The following CSMD1 variants were observed in gnomAD, a reference collection of about 807,000 sequenced individuals.
CSMD1 encodes CUB and sushi domain-containing protein 1.
Under a neutral mutation model 417.5 loss-of-function variants are expected in CSMD1, and 213 were observed. The observed-to-expected ratio is 0.51, with a 90% CI of 0.46 to 0.57. The LOEUF (loss-of-function observed/expected upper bound fraction) is 0.57. Ranked by LOEUF, CSMD1 falls within the 20% of genes least tolerant of loss-of-function variation. The pLI is 0.00. For synonymous variants in CSMD1, 2,862 were observed against 1,736.8 expected, an observed-to-expected ratio of 1.65 and a Z score of -16.11; for missense variants, 6,923 against 4,529.7, an observed-to-expected ratio of 1.53 and a Z score of -15.17.
intron 3 of CSMD1, among the ~76,000 whole-genome samples, chr8:4,285,883 A>G (rs978817846): frequency 3.9e-5 from 6 of 152,188 alleles, no homozygotes; most frequent in Admixed American, 2.6e-4. Context: ...TCCAGCCTGG[A>G]AAGTAATCCA....
At chr8:3,444,359 T>A (rs555118507) in intron 12 of CSMD1, among the ~76,000 whole-genome samples, 111 of 152,294 alleles carry the variant, frequency 7.3e-4, no homozygotes, top group Non-Finnish European at 1.4e-3. Context: ...AATTTTAGCA[T>A]CAACAAAGAT....
intron 6 of CSMD1, among the ~76,000 whole-genome samples, chr8:3,722,267 C>G (rs867066758): frequency 2.2e-4 from 34 of 152,206 alleles, no homozygotes; most frequent in Middle Eastern, 3.4e-3. Context: ...GAGATCACAC[C>G]ACTGCACTCC....
intron 5 of CSMD1, among the ~76,000 whole-genome samples, chr8:3,804,052 G>A (rs1207353513): frequency 1.3e-5 from 2 of 152,022 alleles, no homozygotes; most frequent in Non-Finnish European, 2.9e-5. Context: ...CTCAGCCTCT[G>A]AGTAGCTGCG....
intron 1 of CSMD1, among the ~76,000 whole-genome samples, chr8:4,991,979 C>G (rs76144373): frequency 4.6e-5 from 7 of 152,160 alleles, no homozygotes; most frequent in African/African-American, 1.2e-4. Flanking sequence ...GTCCTGGACC[C>G]CCTCCGCGCG....
chr8:4,945,377 G>A (rs892404337), intron 1 of CSMD1, among the ~76,000 whole-genome samples: 2 of 151,952 alleles, frequency 1.3e-5, no homozygotes, highest in South Asian at 2.1e-4. Context: ...ACTGCCTGCC[G>A]AAAAATAGTT....
At chr8:3,900,382 G>C (rs991025094) in intron 5 of CSMD1, among the ~76,000 whole-genome samples, 2 of 151,868 alleles carry the variant, frequency 1.3e-5, no homozygotes, top group African/African-American at 4.8e-5. Context: ...TGACAGTGCA[G>C]CTGGGTGACA....
chr8:4,784,919 TTA>T (rs1219309771), intron 1 of CSMD1, among the ~76,000 whole-genome samples: 2 of 152,178 alleles, frequency 1.3e-5, no homozygotes, highest in Non-Finnish European at 2.9e-5. Flanking sequence ...CATTGAAAGT[TTA>T]TGTTTGTAAA....
chr8:3,552,665 C>G (rs1798968865), intron 10 of CSMD1, among the ~76,000 whole-genome samples: 1 of 152,308 alleles, frequency 6.6e-6, no homozygotes, highest in East Asian at 1.9e-4. Flanking sequence ...AGAGTATTCA[C>G]ATCAACATTG....
chr8:4,787,903 G>A (rs570433971), intron 1 of CSMD1: 2 of 1,586,668 alleles, frequency 1.3e-6, no homozygotes, highest in Non-Finnish European at 1.7e-6. Context: ...TGGTGTTGAT[G>A]TAACCACAAA....
chr8:4,296,213 G>A lies in CSMD1; in HGVS notation c.415+123740C>T, dbSNP rs1797672718. On this transcript the variant is annotated intron_variant, in intron 3 of 69. Transcript: ENST00000635120. ...TAGTCCTCAACTCATCTCCAGCTGG[G>A]TCCAGCTTAAAACCTTGATCAGTGA... 2.6e-5 allele frequency among the ~76,000 whole-genome samples: 4 copies of A among 152,134 alleles called. 1 individual carries two copies. The South Asian group carries it at 8.3e-4, about 32-fold the overall frequency.
In CSMD1 at chr8:3,399,325, C is replaced by T. The variant is rs566882069; in HGVS notation, c.2405+66G>A. 15 of 1,409,902 alleles carry T rather than the reference C, an allele frequency of 1.1e-5. No homozygotes were observed. The African/African-American group carries it at 2.0e-4, about 19-fold the overall frequency. The allele number at this position is 1,409,902 out of a possible 1,614,324, so 87.3% of individuals were successfully genotyped here. ...TGCCATCTTTTTAAAGTTTAAGATC[C>T]ATTTACTAAAACTATGGAAGAGACA... On this transcript the variant is annotated intron_variant, in intron 16 of 69. Transcript: ENST00000635120.
In CSMD1 at chr8:3,408,080, A is replaced by G. The variant is rs770014926; in HGVS notation, c.1890T>C (p.Asp630=). The G allele has an allele frequency of 4.3e-6, 7 of 1,613,854 alleles. No individual in the cohort carries two copies. The highest frequency in any genetic ancestry group is 5.1e-6 in the Non-Finnish European group (6 of 1,179,894). The change falls in exon 14 of 70, where the codon GAT becomes GAC. Residue 630 remains aspartate (D), a synonymous_variant. Coordinates refer to ENST00000635120, the MANE Select transcript of CSMD1 (RefSeq NM_033225.6). ...CGAGAAAGTCAAACTGAGGCTCAAC[A>G]TCAAAATCATTAAAGATTAGGTGAA... is the stretch of plus-strand genomic sequence containing the variant. ...SRIHLIFNDF[D]VEPQFDFLAV...
chr8:3,950,608 C>T (rs1293982702), intron 5 of CSMD1, among the ~76,000 whole-genome samples: 1 of 152,160 alleles, frequency 6.6e-6, no homozygotes, highest in African/African-American at 2.4e-5. Flanking sequence ...ACCATTAAGT[C>T]GTGGCTCAGC....
intron 3 of CSMD1, among the ~76,000 whole-genome samples, chr8:4,151,921 G>A (rs35095223): frequency 6.6e-6 from 1 of 152,022 alleles, no homozygotes; most frequent in African/African-American, 2.4e-5. Context: ...TCTATCAGCA[G>A]AGATAAGTTT....
At chr8:4,978,548 T>C (rs1256500881) in intron 1 of CSMD1, among the ~76,000 whole-genome samples, 1 of 152,212 alleles carries the variant, frequency 6.6e-6, no homozygotes, top group Non-Finnish European at 1.5e-5. Context: ...GTAAATAAAT[T>C]AACTATGTTT....
At chr8:3,765,414 T>C (rs769075760) in intron 5 of CSMD1, among the ~76,000 whole-genome samples, 5 of 152,186 alleles carry the variant, frequency 3.3e-5, no homozygotes, top group African/African-American at 9.7e-5. Flanking sequence ...ATTTGTTTCA[T>C]AGGCTTCCCT....
intron 49 of CSMD1, among the ~76,000 whole-genome samples, chr8:3,070,887 G>A (rs554042290): frequency 3.3e-5 from 5 of 152,338 alleles, no homozygotes; most frequent in African/African-American, 1.2e-4. Flanking sequence ...CAATACCTGA[G>A]ACTGGGTAAT....
chr8:3,791,034 C>T (rs189120730), intron 5 of CSMD1, among the ~76,000 whole-genome samples: 19 of 152,250 alleles, frequency 1.2e-4, no homozygotes, highest in Non-Finnish European at 2.5e-4. Context: ...TCCACTAAAA[C>T]CATGATCATT....
intron 2 of CSMD1, among the ~76,000 whole-genome samples, chr8:4,449,106 G>A (rs1179160906): frequency 6.6e-6 from 1 of 152,100 alleles, no homozygotes; most frequent in Non-Finnish European, 1.5e-5. Flanking sequence ...TAAGAGATTT[G>A]CAAAAATAAA....
Sources: gnomAD v4.1 joint callset for allele counts (sites outside exome capture counted in the v4.1 genomes callset) on GRCh38, gnomAD v4.1.1 for gene constraint, MANE v1.5 for transcripts, NCBI Gene and HGNC (gene_info 2026-07-23, HGNC 2026-07-21) for gene names.